The following NELL1 variants were observed in gnomAD, a reference collection of about 807,000 sequenced individuals.
NELL1 encodes the protein neural EGFL like 1.
In NELL1, 76 loss-of-function variants were observed where a neutral mutation model predicts 107.4. That is an observed-to-expected ratio of 0.71 (90% CI 0.59 to 0.86). The LOEUF is 0.86. Ranked by LOEUF, NELL1 falls within the 40% of genes least tolerant of loss-of-function variation. The pLI, the probability that NELL1 is intolerant of heterozygous loss-of-function variation, is 0.00. For synonymous variants in NELL1, 353 were observed against 341.2 expected (o/e 1.03, Z -0.38); for missense variants, 1,024 against 1,005.5 (o/e 1.02, Z -0.25).
intron 6 of NELL1, among the ~76,000 whole-genome samples, chr11:20,918,986 A>G (rs1307777840): frequency 6.6e-6 from 1 of 151,946 alleles, no homozygotes; most frequent in East Asian, 1.9e-4. Context: ...TCCCTATAAA[A>G]ATGAGAGTTT....
chr11:21,484,032 T>C, intron 15 of NELL1, among the ~76,000 whole-genome samples: 1 of 133,140 alleles, frequency 7.5e-6, no homozygotes, highest in African/African-American at 2.8e-5. Context: ...TATATATATA[T>C]GTCAAATGTG....
At chr11:20,767,744 A>G (rs1165301115) in intron 2 of NELL1, among the ~76,000 whole-genome samples, 1 of 152,128 alleles carries the variant, frequency 6.6e-6, no homozygotes, top group Non-Finnish European at 1.5e-5. Flanking sequence ...TCATTCATTC[A>G]TTCATGCACT....
intron 14 of NELL1, among the ~76,000 whole-genome samples, chr11:21,297,698 C>G (rs1049713008): frequency 6.6e-6 from 1 of 152,024 alleles, no homozygotes; most frequent in Non-Finnish European, 1.5e-5. Flanking sequence ...AATTGTTGTG[C>G]TTTCTCTCAA....
chr11:20,695,668 G>C (rs1854595996), intron 2 of NELL1, among the ~76,000 whole-genome samples: 1 of 152,060 alleles, frequency 6.6e-6, no homozygotes, highest in Non-Finnish European at 1.5e-5. Flanking sequence ...ACTGGATTCT[G>C]TTTGCTCGTA....
At chr11:20,698,035 G>C (rs975928855) in intron 2 of NELL1, among the ~76,000 whole-genome samples, 1 of 152,148 alleles carries the variant, frequency 6.6e-6, no homozygotes, top group Non-Finnish European at 1.5e-5. Context: ...GATTGGATGA[G>C]CCTAGTCACT....
At chr11:21,108,646 T>C (rs1855028091) in intron 12 of NELL1, among the ~76,000 whole-genome samples, 1 of 152,272 alleles carries the variant, frequency 6.6e-6, no homozygotes, top group South Asian at 2.1e-4. Flanking sequence ...TCTTTTCTAA[T>C]TCCATAGTCT....
chr11:21,041,539 TC>T (rs1853232415), intron 12 of NELL1, among the ~76,000 whole-genome samples: 1 of 152,220 alleles, frequency 6.6e-6, no homozygotes, highest in African/African-American at 2.4e-5. Flanking sequence ...AAAATGTGGT[TC>T]CAAGAGAATG....
chr11:21,237,714 T>C (rs1297995673), intron 14 of NELL1, among the ~76,000 whole-genome samples: 2 of 152,128 alleles, frequency 1.3e-5, no homozygotes, highest in African/African-American at 4.8e-5. Context: ...TAAACCTCTC[T>C]GAAGCATTTA....
intron 13 of NELL1, among the ~76,000 whole-genome samples, chr11:21,162,433 A>T (rs1193473807): frequency 6.6e-6 from 1 of 152,144 alleles, no homozygotes; most frequent in African/African-American, 2.4e-5. Flanking sequence ...GTATTAGTTA[A>T]CTAGATTAAC....
intron 12 of NELL1, among the ~76,000 whole-genome samples, chr11:21,081,940 G>T (rs1854279430): frequency 6.6e-6 from 1 of 152,138 alleles, no homozygotes; most frequent in Non-Finnish European, 1.5e-5. Flanking sequence ...CTCAGATGGG[G>T]GAACTGAGAT....
intron 12 of NELL1, among the ~76,000 whole-genome samples, chr11:20,975,917 AC>A (rs1413794575): frequency 3.7e-5 from 4 of 107,482 alleles, no homozygotes; most frequent in South Asian, 2.8e-4. Flanking sequence ...TATTATATAA[AC>A]ACACATATAT....
intron 10 of NELL1, among the ~76,000 whole-genome samples, chr11:20,945,581 C>G (rs1042119614): frequency 2.0e-5 from 3 of 152,124 alleles, no homozygotes; most frequent in Non-Finnish European, 4.4e-5. Flanking sequence ...GGCAGCAGAT[C>G]ATGAATAAAT....
At chr11:21,022,106 G>C (rs1852715348) in intron 12 of NELL1, among the ~76,000 whole-genome samples, 1 of 151,970 alleles carries the variant, frequency 6.6e-6, no homozygotes, top group Non-Finnish European at 1.5e-5. Flanking sequence ...AATTTCCCCT[G>C]GTTGGCAAAA....
chr11:20,786,569 A>T (rs1856963454), intron 3 of NELL1, among the ~76,000 whole-genome samples: 1 of 151,848 alleles, frequency 6.6e-6, no homozygotes, highest in Non-Finnish European at 1.5e-5. Flanking sequence ...CCACCAAAAT[A>T]TGTTACTGGG....
intron 14 of NELL1, among the ~76,000 whole-genome samples, chr11:21,350,047 C>T (rs774425126): frequency 6.6e-6 from 1 of 152,114 alleles, no homozygotes; most frequent in East Asian, 1.9e-4. Flanking sequence ...CCTCAGCAGT[C>T]ATGCTTGGGA....
At chr11:21,476,951 C>G (rs1183234952) in intron 15 of NELL1, among the ~76,000 whole-genome samples, 1 of 152,116 alleles carries the variant, frequency 6.6e-6, no homozygotes, top group African/African-American at 2.4e-5. Context: ...GCAGTCAGAA[C>G]CTGAGTTCTG....
chr11:21,098,818 C>T (rs1244588417), intron 12 of NELL1, among the ~76,000 whole-genome samples: 1 of 152,098 alleles, frequency 6.6e-6, no homozygotes, highest in Non-Finnish European at 1.5e-5. Flanking sequence ...CCTTCTCTCT[C>T]TCTCTGTCTG....
At chr11:21,429,551 A>C (rs1319893080) in intron 15 of NELL1, among the ~76,000 whole-genome samples, 2 of 152,192 alleles carry the variant, frequency 1.3e-5, no homozygotes, top group Non-Finnish European at 2.9e-5. Flanking sequence ...GCATGACAAA[A>C]ATATGACTTG....
At chr11:21,024,449 GTA>G (rs979153576) in intron 12 of NELL1, among the ~76,000 whole-genome samples, 1 of 152,216 alleles carries the variant, frequency 6.6e-6, no homozygotes, top group Admixed American at 6.5e-5. Context: ...TCTCACATAT[GTA>G]TCAGTTCCAA....
Sources: allele counts gnomAD v4.1 joint callset (sites outside exome capture counted in the v4.1 genomes callset), GRCh38; gene constraint gnomAD v4.1.1; transcripts MANE v1.5; gene names NCBI Gene and HGNC (gene_info 2026-07-23, HGNC 2026-07-21).